Variants in LRMDA observed in about 807,000 individuals in gnomAD.
The protein encoded by LRMDA is leucine-rich melanocyte differentiation-associated protein.
LRMDA carries 18 observed loss-of-function variants against 29.8 expected under a neutral mutation model. That is an observed-to-expected ratio of 0.60 (90% CI 0.42 to 0.90). The LOEUF (loss-of-function observed/expected upper bound fraction) is 0.90, where lower values mean the gene tolerates loss of function less well. Ranked by LOEUF, LRMDA falls within the 40% of genes least tolerant of loss-of-function variation. The pLI is 0.00. For missense variants in LRMDA, 273 were observed against 273.9 expected, an observed-to-expected ratio of 1.00 and a Z score of 0.02; for synonymous variants, 125 against 109.4, an observed-to-expected ratio of 1.14 and a Z score of -0.89.
intron 2 of LRMDA, among the ~76,000 whole-genome samples, chr10:75,627,153 A>C (rs768402398): frequency 6.6e-6 from 1 of 152,234 alleles, no homozygotes; most frequent in Non-Finnish European, 1.5e-5. Flanking sequence ...GTAGTGACCT[A>C]TCAGTTGAGC....
In LRMDA at chr10:76,291,496, G is replaced by A. The variant is rs1351564073; in HGVS notation, c.517-32905G>A. On this transcript the variant is annotated intron_variant, in intron 5 of 6. Coordinates refer to ENST00000611255, the MANE Select transcript of LRMDA (RefSeq NM_001305581.2). ...GAATGCTTTTCTTTCTCCTAGTTAG[G>A]CATTTAAATGCATTTCTGGAAGGCC... Among the ~76,000 whole-genome samples, 4 of 152,084 alleles carry A rather than the reference G, an allele frequency of 2.6e-5. No individual in the cohort carries two copies. The East Asian group carries it at 7.7e-4, about 29-fold the overall frequency.
intron 2 of LRMDA, among the ~76,000 whole-genome samples, chr10:75,975,245 A>G (rs1847049976): frequency 6.6e-6 from 1 of 152,218 alleles, no homozygotes; most frequent in Non-Finnish European, 1.5e-5. Flanking sequence ...GCTCTAAGCC[A>G]CTGTCCTACT....
At chr10:75,658,592 G>A (rs992477564) in intron 2 of LRMDA, among the ~76,000 whole-genome samples, 7 of 152,118 alleles carry the variant, frequency 4.6e-5, no homozygotes, top group Admixed American at 4.6e-4. Context: ...GAGGGACTGA[G>A]GATTTCTGCA....
intron 2 of LRMDA, among the ~76,000 whole-genome samples, chr10:75,445,930 G>C (rs541258939): frequency 1.4e-4 from 21 of 152,384 alleles, no homozygotes; most frequent in African/African-American, 4.8e-4. Flanking sequence ...TTAGCAGAAA[G>C]TTTCTTAGGT....
At chr10:76,099,892 T>C (rs982293551) in intron 5 of LRMDA, among the ~76,000 whole-genome samples, 2 of 152,210 alleles carry the variant, frequency 1.3e-5, no homozygotes, top group Non-Finnish European at 2.9e-5. Context: ...TGTTTGTATT[T>C]GAAAATAATA....
At chr10:76,104,701 C>T (rs1480071262) in intron 5 of LRMDA, among the ~76,000 whole-genome samples, 2 of 152,074 alleles carry the variant, frequency 1.3e-5, no homozygotes, top group Non-Finnish European at 2.9e-5. Context: ...TATGCCTTCT[C>T]TTTCTTGCCA....
chr10:75,928,662 T>C (rs1846159871), intron 2 of LRMDA, among the ~76,000 whole-genome samples: 1 of 152,170 alleles, frequency 6.6e-6, no homozygotes, highest in African/African-American at 2.4e-5. Flanking sequence ...ATGGCTATAT[T>C]TTGGCAACTC....
intron 5 of LRMDA, among the ~76,000 whole-genome samples, chr10:76,217,473 A>G (rs1331746565): frequency 6.6e-6 from 1 of 152,184 alleles, no homozygotes; most frequent in Non-Finnish European, 1.5e-5. Context: ...GGGAATGGTT[A>G]TGAGAGTGAT....
At chr10:76,269,611 G>A (rs913399469) in intron 5 of LRMDA, among the ~76,000 whole-genome samples, 6 of 152,114 alleles carry the variant, frequency 3.9e-5, no homozygotes, top group Non-Finnish European at 7.4e-5. Flanking sequence ...TTTTTAAAAG[G>A]TAGAGCATCC....
In LRMDA at chr10:76,043,168, G is replaced by A. The variant is rs1848369323; in HGVS notation, c.259-3996G>A. Among the ~76,000 whole-genome samples, 2 of 152,278 alleles carry A rather than the reference G, an allele frequency of 1.3e-5. 1 individual carries two copies. Reference sequence around the variant, plus strand: ...TTTTAAGTTGTGTGTGTGTTGATGTGTAGGCATGTATACATACACTTAACA... The same window carrying A: ...TTTTAAGTTGTGTGTGTGTTGATGTATAGGCATGTATACATACACTTAACA... On this transcript the variant is annotated intron_variant, in intron 3 of 6. Transcript: ENST00000611255.
intron 5 of LRMDA, among the ~76,000 whole-genome samples, chr10:76,099,177 CAAG>C (rs975920374): frequency 2.0e-5 from 3 of 152,142 alleles, no homozygotes; most frequent in African/African-American, 7.2e-5. Flanking sequence ...AGTCCCCAGG[CAAG>C]AAGGAGGTTT....
At chr10:76,232,928 C>T (rs1329599648) in intron 5 of LRMDA, among the ~76,000 whole-genome samples, 1 of 152,118 alleles carries the variant, frequency 6.6e-6, no homozygotes, top group Non-Finnish European at 1.5e-5. Flanking sequence ...ACCAAAGACA[C>T]CACTCAAAGG....
intron 2 of LRMDA, among the ~76,000 whole-genome samples, chr10:75,627,628 C>T (rs1373633831): frequency 6.6e-6 from 1 of 152,120 alleles, no homozygotes; most frequent in South Asian, 2.1e-4. Flanking sequence ...AATACTCAAT[C>T]AAAAGCAAGA....
chr10:76,437,377 T>A (rs972083903), intron 6 of LRMDA: 1 of 152,224 alleles, frequency 6.6e-6, no homozygotes, highest in Non-Finnish European at 1.5e-5. Flanking sequence ...TAAAGAGATA[T>A]CTGTTGCCAG....
At chr10:76,225,092 G>A (rs993708259) in intron 5 of LRMDA, among the ~76,000 whole-genome samples, 17 of 151,904 alleles carry the variant, frequency 1.1e-4, no homozygotes, top group Admixed American at 9.2e-4. Flanking sequence ...AATATTTGAC[G>A]CCGCCAAATC....
chr10:76,331,126 T>A (rs1182113943), intron 6 of LRMDA, among the ~76,000 whole-genome samples: 1 of 152,042 alleles, frequency 6.6e-6, no homozygotes, highest in Non-Finnish European at 1.5e-5. Context: ...CAAAAATTAG[T>A]TGGGTGCAGT....
intron 2 of LRMDA, among the ~76,000 whole-genome samples, chr10:75,869,829 A>G (rs566911378): frequency 5.9e-5 from 9 of 152,166 alleles, no homozygotes; most frequent in African/African-American, 2.2e-4. Flanking sequence ...CTCCTCTGTC[A>G]TCTAGAACTT....
rs1346376924 is a variant in LRMDA, at chr10:76,096,966, T to C, written c.516+38183T>C. ...GTGATTTTGTAAATTGAGATTTTTT[T>C]TTTCAAATTGACAATCATGTTACTT... On this transcript the variant is annotated intron_variant, in intron 5 of 6. Coordinates refer to ENST00000611255, the MANE Select transcript of LRMDA (RefSeq NM_001305581.2). Among the ~76,000 whole-genome samples the C allele has an allele frequency of 5.9e-5, 9 of 152,046 alleles. No individual in the cohort carries two copies. In the East Asian group the frequency reaches 1.7e-3, roughly 29 times the overall value.
chr10:75,922,762 T>C (rs564225676), intron 2 of LRMDA, among the ~76,000 whole-genome samples: 36 of 152,270 alleles, frequency 2.4e-4, no homozygotes, highest in Non-Finnish European at 4.6e-4. Flanking sequence ...ATCATGAAAA[T>C]TGAAACCTAT....
Sources: allele counts gnomAD v4.1 joint callset (sites outside exome capture counted in the v4.1 genomes callset), GRCh38; gene constraint gnomAD v4.1.1; transcripts MANE v1.5; gene names NCBI Gene and HGNC (gene_info 2026-07-23, HGNC 2026-07-21).